The following TBC1D23 variants were observed in gnomAD, a reference collection of about 807,000 sequenced individuals.
The protein encoded by TBC1D23 is TBC1 domain family member 23.
A neutral mutation model predicts 91.4 loss-of-function variants in TBC1D23; 55 were observed. That is an observed-to-expected ratio of 0.60 (90% CI 0.48 to 0.75). TBC1D23 has a LOEUF of 0.75. Among genes scored for constraint, TBC1D23 ranks in the 30% least tolerant of loss-of-function variants. The pLI is 0.00. For missense variants in TBC1D23, 725 were observed against 836.1 expected, an observed-to-expected ratio of 0.87 and a Z score of 1.64; for synonymous variants, 289 against 281.0, an observed-to-expected ratio of 1.03 and a Z score of -0.28.
intron 5 of TBC1D23, 121 bp from the exon 6 acceptor site, chr3:100,294,966 C>T (rs1043792604): frequency 7.1e-5 from 68 of 952,700 alleles, no homozygotes; most frequent in Admixed American, 1.1e-4. Flanking sequence ...GATTAAGGTA[C>T]GCATTAAATA....
intron 17 of TBC1D23, among the ~76,000 whole-genome samples, chr3:100,320,461 C>A (rs1380162974): frequency 1.3e-5 from 2 of 152,018 alleles, no homozygotes. Flanking sequence ...GTTAAAAAAT[C>A]TGAAACGTAA....
chr3:100,290,548 C>CA, intron 4 of TBC1D23, 30 bp from the exon 5 acceptor site: 2 of 1,608,948 alleles, frequency 1.2e-6, no homozygotes, highest in Non-Finnish European at 8.5e-7. Context: ...TCTGTTAATG[C>CA]AAAAAAATTT....
intron 1 of TBC1D23, among the ~76,000 whole-genome samples, chr3:100,268,675 T>C (rs2067577132): frequency 6.6e-6 from 1 of 152,210 alleles, no homozygotes; most frequent in African/African-American, 2.4e-5. Flanking sequence ...TAGGCAAAAG[T>C]TACACTCTGT....
At chr3:100,268,276 A>G (rs1342560107) in intron 1 of TBC1D23, among the ~76,000 whole-genome samples, 1 of 152,112 alleles carries the variant, frequency 6.6e-6, no homozygotes, top group African/African-American at 2.4e-5. Flanking sequence ...TCTCATATAT[A>G]TGTGCAATTT....
At chr3:100,301,573 G>A (rs919874192) in intron 10 of TBC1D23, among the ~76,000 whole-genome samples, 8 of 152,048 alleles carry the variant, frequency 5.3e-5, no homozygotes, top group African/African-American at 1.9e-4. Context: ...TGTCGTACTT[G>A]TTTCCTTGAG....
At chr3:100,271,609 T>G (rs2067600045) in intron 1 of TBC1D23, among the ~76,000 whole-genome samples, 1 of 152,122 alleles carries the variant, frequency 6.6e-6, no homozygotes, top group Non-Finnish European at 1.5e-5. Context: ...GTTTGTTTGT[T>G]TTTGGAGGGG....
chr3:100,304,891 A>G lies in TBC1D23; in HGVS notation c.1306+3A>G, dbSNP rs375470588. 5.1e-5 allele frequency: 75 copies of G among 1,462,268 alleles called. No homozygotes were observed. Among genetic ancestry groups the G allele is most frequent in the Admixed American group, 6.8e-5 (4 of 58,888 alleles). 90.6% of individuals were successfully genotyped at this position (1,462,268 alleles called of 1,614,324 possible). A position where few individuals can be genotyped will look rare whatever the true frequency, so the allele number is the denominator to read the frequency against. ...TATTGCCAGTGGAGGATTTATGGGT[A>G]AGATTTTGATTTATTAGTTTTTTTC... is the stretch of plus-strand genomic sequence containing the variant. On this transcript the variant is annotated splice_donor_region_variant and intron_variant, in intron 12 of 18. Transcript: ENST00000394144.
At chr3:100,268,176 G>A (rs2067572338) in intron 1 of TBC1D23, among the ~76,000 whole-genome samples, 1 of 151,938 alleles carries the variant, frequency 6.6e-6, no homozygotes, top group African/African-American at 2.4e-5. Context: ...TAATAATAAT[G>A]ATGTCCATGG....
At chr3:100,280,740 A>G (rs1301635133) in intron 2 of TBC1D23, among the ~76,000 whole-genome samples, 1 of 152,232 alleles carries the variant, frequency 6.6e-6, no homozygotes, top group Non-Finnish European at 1.5e-5. Context: ...CCCAGCTTTA[A>G]CTGGTATCAA....
In TBC1D23 at chr3:100,302,209, T is replaced by A; in HGVS notation, c.1235T>A (p.Met412Lys). ...GSGREEEDMY[M>K]NMVLAHFLQK... ...GGCAGGGAGGAAGAAGACATGTATA[T>A]GAACATGGTCCTGGCACACTTTTTA... The change falls in exon 11 of 19, where the codon ATG (methionine) becomes AAG (lysine). Residue 412 changes from methionine (M) to lysine (K), a missense_variant. By Grantham distance (95) the Met-to-Lys change is moderately conservative. Coordinates refer to ENST00000394144, the MANE Select transcript of TBC1D23 (RefSeq NM_001199198.3). 6.2e-7 allele frequency: 1 copy of A among 1,613,834 alleles called. No individual in the cohort carries two copies. Among genetic ancestry groups the A allele is most frequent in the African/African-American group, 1.3e-5 (1 of 75,038 alleles).
At chr3:100,268,094 C>T (rs560533763) in intron 1 of TBC1D23, among the ~76,000 whole-genome samples, 2 of 152,202 alleles carry the variant, frequency 1.3e-5, no homozygotes, top group African/African-American at 4.8e-5. Flanking sequence ...ATTGCTTTAA[C>T]GGGATGAATC....
chr3:100,272,916 C>G lies in TBC1D23; in HGVS notation c.54-6733C>G, dbSNP rs528595104. Reference sequence around the variant, plus strand: ...CCCCTATCTCAGTAGATGGAACATACAATCGGTTTTATACCGAGACATTCC... The same window carrying G: ...CCCCTATCTCAGTAGATGGAACATAGAATCGGTTTTATACCGAGACATTCC... On this transcript the variant is annotated intron_variant, in intron 1 of 18. Coordinates refer to ENST00000394144, the MANE Select transcript of TBC1D23 (RefSeq NM_001199198.3). Among the ~76,000 whole-genome samples, 10 of 152,338 alleles carry G rather than the reference C, an allele frequency of 6.6e-5. No individual in the cohort carries two copies. In the East Asian group the frequency reaches 1.7e-3, roughly 26 times the overall value.
Position 100,262,439 on chromosome 3 carries a change from A to G in TBC1D23, c.53+1368A>G, listed in dbSNP as rs944582049. Among the ~76,000 whole-genome samples the G allele has an allele frequency of 6.6e-5, 10 of 152,142 alleles. No homozygotes were observed. The East Asian group carries it at 1.3e-3, about 21-fold the overall frequency. ...GTAGTAGCAGCATTTAAAACTGAAA[A>G]GAAGGCTGGGCGCGGTGGCTCACGC... is the stretch of plus-strand genomic sequence containing the variant. On this transcript the variant is annotated intron_variant, in intron 1 of 18. Coordinates refer to ENST00000394144, the MANE Select transcript of TBC1D23 (RefSeq NM_001199198.3).
chr3:100,311,101 G>A (rs1705617117), intron 14 of TBC1D23, among the ~76,000 whole-genome samples: 1 of 152,134 alleles, frequency 6.6e-6, no homozygotes, highest in Non-Finnish European at 1.5e-5. Flanking sequence ...TATTGTAACT[G>A]AGGATACATT....
intron 1 of TBC1D23, among the ~76,000 whole-genome samples, chr3:100,274,817 AAATT>A (rs2067631512): frequency 6.7e-6 from 1 of 148,294 alleles, no homozygotes; most frequent in Non-Finnish European, 1.5e-5. Context: ...TTACATATAT[AAATT>A]AATAAACATA....
At chr3:100,301,459 T>C (rs901823656) in intron 10 of TBC1D23, among the ~76,000 whole-genome samples, 6 of 152,218 alleles carry the variant, frequency 3.9e-5, no homozygotes, top group Non-Finnish European at 5.9e-5. Context: ...TTTGCTTTTG[T>C]TTTTTACAAA....
intron 15 of TBC1D23, 142 bp from the exon 16 acceptor site, chr3:100,315,957 A>G: frequency 1.5e-6 from 1 of 651,816 alleles, no homozygotes; most frequent in East Asian, 2.7e-5. Flanking sequence ...TAGCTCTCCT[A>G]AAACTATGGG....
At chr3:100,304,329 C>T (rs764885629) in intron 11 of TBC1D23, among the ~76,000 whole-genome samples, 1 of 151,864 alleles carries the variant, frequency 6.6e-6, no homozygotes, top group South Asian at 2.1e-4. Flanking sequence ...ATGCCTGCCT[C>T]TTTTAGATGA....
intron 10 of TBC1D23, among the ~76,000 whole-genome samples, chr3:100,300,808 T>A (rs988189652): frequency 6.6e-6 from 1 of 152,172 alleles, no homozygotes; most frequent in Non-Finnish European, 1.5e-5. Flanking sequence ...CTTGAATTTT[T>A]AAAAATTTTT....
Sources: gnomAD v4.1 joint callset for allele counts (sites outside exome capture counted in the v4.1 genomes callset) on GRCh38, gnomAD v4.1.1 for gene constraint, MANE v1.5 for transcripts, NCBI Gene and HGNC (gene_info 2026-07-23, HGNC 2026-07-21) for gene names.